ANKRD6: variants seen among roughly 807,000 people sequenced by gnomAD.
ANKRD6 encodes the protein ankyrin repeat domain-containing protein 6.
In ANKRD6, 56 loss-of-function variants were observed where a neutral mutation model predicts 82.3. That is an observed-to-expected ratio of 0.68 (90% confidence interval 0.55 to 0.85). The LOEUF is 0.85. ANKRD6 is among the 40% of genes least tolerant of loss of function. The probability of loss-of-function intolerance (pLI) is 0.00; values close to 1 mark genes in which losing one functional copy is unlikely to be tolerated. For synonymous variants in ANKRD6, 347 were observed against 352.1 expected, an observed-to-expected ratio of 0.99 and a Z score of 0.16; for missense variants, 852 against 907.6, an observed-to-expected ratio of 0.94 and a Z score of 0.79.
chr6:89,595,940 G>GCTGCCAATAAGGGCCATCTTC lies in ANKRD6; in HGVS notation c.149_169dup (p.Ala50_Pro56dup), dbSNP rs755674242. The GCTGCCAATAAGGGCCATCTTC allele has an allele frequency of 6.2e-7, 1 of 1,610,042 alleles. No homozygotes were observed. Among genetic ancestry groups the GCTGCCAATAAGGGCCATCTTC allele is most frequent in the Admixed American group, 1.7e-5 (1 of 59,552 alleles). Reference sequence around the variant, plus strand: ...GCATGGCCGGACTCCCCTGCATCTTGCTGCCAATAAGGGCCATCTTCCTGT... The same window carrying GCTGCCAATAAGGGCCATCTTC: ...GCATGGCCGGACTCCCCTGCATCTTGCTGCCAATAAGGGCCATCTTCCTGCCAATAAGGGCCATCTTCCTGT... On this transcript the variant is annotated inframe_insertion, in exon 3 of 16. Coordinates refer to ENST00000339746, the MANE Select transcript of ANKRD6 (RefSeq NM_001242809.2).
chr6:89,586,276 ATTC>A (rs1793665203), intron 2 of ANKRD6, among the ~76,000 whole-genome samples: 1 of 152,216 alleles, frequency 6.6e-6, no homozygotes, highest in Non-Finnish European at 1.5e-5. Flanking sequence ...AAAGGCAGTG[ATTC>A]TTGTTTTCTG....
chr6:89,630,382 G>T, intron 15 of ANKRD6, 51 bp from the exon 16 acceptor site: 1 of 1,567,136 alleles, frequency 6.4e-7, no homozygotes, highest in South Asian at 1.2e-5. Context: ...GCAGCCATAT[G>T]ACTGTGTGAA....
intron 10 of ANKRD6, among the ~76,000 whole-genome samples, chr6:89,623,172 T>C (rs1413894550): frequency 6.6e-6 from 1 of 152,154 alleles, no homozygotes; most frequent in African/African-American, 2.4e-5. Context: ...GACCCAGGAA[T>C]ATATTTAGCT....
intron 1 of ANKRD6, chr6:89,565,351 A>G (rs551980821): frequency 6.6e-6 from 1 of 152,330 alleles, no homozygotes; most frequent in Admixed American, 6.5e-5. Flanking sequence ...TTTTTCTGCT[A>G]TTCTTTACCT....
chr6:89,615,997 C>T (rs1801479152), intron 7 of ANKRD6, among the ~76,000 whole-genome samples: 1 of 152,210 alleles, frequency 6.6e-6, no homozygotes, highest in South Asian at 2.1e-4. Context: ...GGTGTTTCCA[C>T]CCGCACAAAG....
chr6:89,551,913 G>A (rs149591384), intron 1 of ANKRD6, among the ~76,000 whole-genome samples: 5 of 152,228 alleles, frequency 3.3e-5, no homozygotes, highest in Non-Finnish European at 7.4e-5. Flanking sequence ...ACAATTCAAG[G>A]TGAGTTTCAT....
intron 4 of ANKRD6, 78 bp downstream of exon 4, chr6:89,603,205 G>A: frequency 1.5e-6 from 2 of 1,311,742 alleles, no homozygotes; most frequent in Non-Finnish European, 2.1e-6. Context: ...AGCCCGCTCT[G>A]GAAACTTTTG....
chr6:89,514,144 G>A (rs777899401), intron 1 of ANKRD6, among the ~76,000 whole-genome samples: 3 of 152,154 alleles, frequency 2.0e-5, no homozygotes, highest in Admixed American at 6.5e-5. Context: ...TTGGGAAGCC[G>A]AGGTGGGCAG....
At chr6:89,554,952 T>C (rs553361155) in intron 1 of ANKRD6, among the ~76,000 whole-genome samples, 22 of 152,206 alleles carry the variant, frequency 1.4e-4, no homozygotes, top group African/African-American at 5.3e-4. Flanking sequence ...CCTGGTTTTC[T>C]TTCCTAATTC....
chr6:89,553,613 AAAGTGACAGGCTGT>A (rs1786161707), intron 1 of ANKRD6, among the ~76,000 whole-genome samples: 2 of 152,164 alleles, frequency 1.3e-5, no homozygotes, highest in Admixed American at 1.3e-4. Flanking sequence ...GCAGAATTGG[AAAGTGACAGGCTGT>A]CACGCTCATT....
chr6:89,519,573 G>A (rs573180972), intron 1 of ANKRD6, among the ~76,000 whole-genome samples: 15 of 152,346 alleles, frequency 9.8e-5, no homozygotes, highest in African/African-American at 3.4e-4. Context: ...TAGAGTTGAG[G>A]TGCTGCTTTG....
At chr6:89,573,405 A>G (rs1364953720) in intron 2 of ANKRD6, among the ~76,000 whole-genome samples, 1 of 152,220 alleles carries the variant, frequency 6.6e-6, no homozygotes, top group African/African-American at 2.4e-5. Flanking sequence ...ATTCTCCATG[A>G]GTAAACCTAT....
chr6:89,580,760 T>C (rs1457756408), intron 2 of ANKRD6, among the ~76,000 whole-genome samples: 1 of 152,210 alleles, frequency 6.6e-6, no homozygotes, highest in African/African-American at 2.4e-5. Context: ...GGTTTGTGTT[T>C]AATGTTAGGA....
intron 1 of ANKRD6, among the ~76,000 whole-genome samples, chr6:89,481,862 C>T (rs1308570473): frequency 1.3e-5 from 2 of 152,180 alleles, no homozygotes; most frequent in African/African-American, 2.4e-5. Flanking sequence ...CATTCACTGC[C>T]TTCTACTATG....
At chr6:89,559,033 T>C (rs1787024227) in intron 1 of ANKRD6, among the ~76,000 whole-genome samples, 1 of 152,216 alleles carries the variant, frequency 6.6e-6, no homozygotes, top group South Asian at 2.1e-4. Context: ...TAATTAATTC[T>C]GTATGCTTGT....
intron 1 of ANKRD6, among the ~76,000 whole-genome samples, chr6:89,554,145 C>A (rs1786246204): frequency 6.6e-6 from 1 of 152,196 alleles, no homozygotes. Context: ...CCGTAACAAA[C>A]CACTGCAAAC....
At chr6:89,528,881 G>C (rs942512779) in intron 1 of ANKRD6, among the ~76,000 whole-genome samples, 2 of 152,192 alleles carry the variant, frequency 1.3e-5, no homozygotes, top group African/African-American at 2.4e-5. Context: ...ATTTGGAAGG[G>C]AATCTTGTTA....
At chr6:89,537,260 A>C (rs1292351225) in intron 1 of ANKRD6, among the ~76,000 whole-genome samples, 1 of 152,200 alleles carries the variant, frequency 6.6e-6, no homozygotes, top group Non-Finnish European at 1.5e-5. Flanking sequence ...TAATAATTAA[A>C]ATGAGCATGA....
chr6:89,497,077 C>CA (rs1778720111), intron 1 of ANKRD6, among the ~76,000 whole-genome samples: 1 of 152,162 alleles, frequency 6.6e-6, no homozygotes, highest in African/African-American at 2.4e-5. Context: ...TCTGAACTTT[C>CA]AAATTAATTG....
Sources: allele counts gnomAD v4.1 joint callset (sites outside exome capture counted in the v4.1 genomes callset), GRCh38; gene constraint gnomAD v4.1.1; transcripts MANE v1.5; gene names NCBI Gene and HGNC (gene_info 2026-07-23, HGNC 2026-07-21).